The following SLC28A3 variants were observed in gnomAD, a reference collection of about 807,000 sequenced individuals.
The protein encoded by SLC28A3 is solute carrier family 28 member 3, also known as concentrative Na(+)-nucleoside cotransporter 3.
In SLC28A3, 68 loss-of-function variants were observed where a neutral mutation model predicts 84.2. That is an observed-to-expected ratio of 0.81 (90% CI 0.66 to 0.99). The LOEUF (loss-of-function observed/expected upper bound fraction) is 0.99, where lower values mean the gene tolerates loss of function less well. SLC28A3 is among the 50% of genes least tolerant of loss of function. The pLI is 0.00. For missense variants in SLC28A3, 712 were observed against 841.5 expected, an observed-to-expected ratio of 0.85 and a Z score of 1.90; for synonymous variants, 267 against 303.6, an observed-to-expected ratio of 0.88 and a Z score of 1.25.
At chr9:84,304,574 G>T (rs1235104326) in intron 4 of SLC28A3, among the ~76,000 whole-genome samples, 1 of 152,196 alleles carries the variant, frequency 6.6e-6, no homozygotes, top group African/African-American at 2.4e-5. Context: ...CTTCAGGCAA[G>T]CGAGTGGGCT....
intron 11 of SLC28A3, among the ~76,000 whole-genome samples, chr9:84,288,776 AC>A (rs1000254974): frequency 5.7e-4 from 86 of 152,026 alleles, no homozygotes; most frequent in African/African-American, 2.1e-3. Flanking sequence ...TGAACTCCCA[AC>A]CTCAGGTGAT....
intron 10 of SLC28A3, among the ~76,000 whole-genome samples, chr9:84,292,393 A>C (rs982805834): frequency 9.9e-5 from 15 of 152,270 alleles, no homozygotes; most frequent in African/African-American, 3.6e-4. Flanking sequence ...AAACATTCTC[A>C]AGAACCCAAT....
At chr9:84,280,111 G>A in intron 15 of SLC28A3, 38 bp from the exon 16 acceptor site, 1 of 1,586,684 alleles carries the variant, frequency 6.3e-7, no homozygotes, top group Non-Finnish European at 8.6e-7. Flanking sequence ...GATCAATGTT[G>A]AAGTACTGAT....
chr9:84,308,176 G>A (rs183086400), intron 3 of SLC28A3, among the ~76,000 whole-genome samples: 277 of 152,284 alleles, frequency 1.8e-3, no homozygotes, highest in Middle Eastern at 3.4e-3. Flanking sequence ...AGGAGGTCGA[G>A]GCTGCAGTGA....
At chr9:84,357,630 A>G in the SLC28A3 span, among the ~76,000 whole-genome samples, 1 of 152,062 alleles carries the variant, frequency 6.6e-6, no homozygotes, top group East Asian at 1.9e-4. Context: ...CATCTCAGCA[A>G]GAGATGGGGT....
chr9:84,299,794 AT>A (rs200253055), intron 5 of SLC28A3, 69 bp from the exon 6 acceptor site: 168,162 of 1,114,278 alleles, frequency 0.15, no homozygotes, highest in South Asian at 0.18. Flanking sequence ...ATCAGGCTTA[AT>A]TTTTTTTTTT....
At chr9:84,360,462 C>A in the SLC28A3 span, among the ~76,000 whole-genome samples, 1 of 151,448 alleles carries the variant, frequency 6.6e-6, no homozygotes, top group East Asian at 1.9e-4. Context: ...CTCATGGGGT[C>A]GTTAAAGTGT....
chr9:84,333,666 G>A (rs1239414120), intron 1 of SLC28A3, among the ~76,000 whole-genome samples: 1 of 152,182 alleles, frequency 6.6e-6, no homozygotes, highest in African/African-American at 2.4e-5. Flanking sequence ...GAATAATGAT[G>A]AGAAATGGGA....
At chr9:84,353,774 A>T in the SLC28A3 span, among the ~76,000 whole-genome samples, 2 of 152,172 alleles carry the variant, frequency 1.3e-5, no homozygotes, top group Non-Finnish European at 2.9e-5. Context: ...AATCACAATC[A>T]CAAATACACC....
chr9:84,311,828 C>A (rs1307230557), intron 2 of SLC28A3, among the ~76,000 whole-genome samples: 1 of 152,208 alleles, frequency 6.6e-6, no homozygotes, highest in African/African-American at 2.4e-5. Flanking sequence ...TGCACTCCAG[C>A]CTGCTGACAG....
the SLC28A3 span, among the ~76,000 whole-genome samples, chr9:84,356,915 A>G: frequency 3.9e-5 from 6 of 152,244 alleles, no homozygotes; most frequent in South Asian, 2.1e-4. Context: ...ATTTCCCAGA[A>G]TTAGTGAACA....
At chr9:84,328,156 TACACACACACACACACAC>T (rs71498096) in intron 1 of SLC28A3, among the ~76,000 whole-genome samples, 1 of 131,900 alleles carries the variant, frequency 7.6e-6, no homozygotes, top group African/African-American at 2.9e-5. Context: ...GGGAAAAGAC[TACACACACACACACACAC>T]ACACACACAC....
At chr9:84,292,463 GTCTCTCTCTCTGTCTCTC>G (rs202046242) in intron 10 of SLC28A3, 187 bp downstream of exon 10, 59,849 of 499,824 alleles carry the variant, frequency 0.12, 3,114 homozygotes, top group Admixed American at 0.16. Flanking sequence ...CTGTCTCTCT[GTCTCTCTCTCTGTCTCTC>G]TCTCTCTCTC....
upstream of SLC28A3, among the ~76,000 whole-genome samples, chr9:84,341,137 CT>C (rs1160398107): frequency 1.3e-5 from 2 of 152,074 alleles, no homozygotes; most frequent in East Asian, 3.9e-4. Context: ...CCACACCTGG[CT>C]GACTTTATTT....
At position 84,286,107 on chromosome 9, in the gene SLC28A3, A is replaced by G. The variant is rs2118105566; in HGVS notation, c.1285T>C (p.Ser429Pro). Residue 429 changes from serine to proline, a missense_variant, in exon 13 of 18, where the codon TCA becomes CCA. By Grantham distance (74) the Ser-to-Pro change is moderately conservative. Coordinates refer to ENST00000376238, the MANE Select transcript of SLC28A3 (RefSeq NM_001199633.2). ...GTTGCAGCTTCTAGAAGATTCCCTG[A>G]ATCACTTTATCAAGAAATAGCAATT... ...KNAMKMESGD[S>P]GNLLEAATQG... The G allele has an allele frequency of 6.2e-7, 1 of 1,613,428 alleles. No individual in the cohort carries two copies. Among genetic ancestry groups the G allele is most frequent in the South Asian group, 1.1e-5 (1 of 90,908 alleles).
chr9:84,358,543 A>G, the SLC28A3 span, among the ~76,000 whole-genome samples: 6 of 152,166 alleles, frequency 3.9e-5, no homozygotes, highest in Non-Finnish European at 7.3e-5. Context: ...TGCATCTGCC[A>G]TACAGGGTCC....
the SLC28A3 span, among the ~76,000 whole-genome samples, chr9:84,361,769 T>G: frequency 6.6e-6 from 1 of 150,966 alleles, no homozygotes. Context: ...AATAATAAGC[T>G]GGGCACAATG....
At chr9:84,315,044 A>T (rs879887569) in intron 1 of SLC28A3, among the ~76,000 whole-genome samples, 4 of 152,144 alleles carry the variant, frequency 2.6e-5, no homozygotes, top group Non-Finnish European at 4.4e-5. Flanking sequence ...ACCACTCTGC[A>T]CTCCAGCCTG....
At chr9:84,343,699 T>C (rs1484385005), upstream of SLC28A3, among the ~76,000 whole-genome samples, 1 of 152,226 alleles carries the variant, frequency 6.6e-6, no homozygotes, top group Non-Finnish European at 1.5e-5. Flanking sequence ...AAATAAAGTT[T>C]TGTAAAAACA....
Sources: gnomAD v4.1 joint callset for allele counts (sites outside exome capture counted in the v4.1 genomes callset) on GRCh38, gnomAD v4.1.1 for gene constraint, MANE v1.5 for transcripts, NCBI Gene and HGNC (gene_info 2026-07-23, HGNC 2026-07-21) for gene names.